The following OSBPL9 variants were observed in gnomAD, a reference collection of about 807,000 sequenced individuals.
The protein encoded by OSBPL9 is oxysterol-binding protein-related protein 9.
A neutral mutation model predicts 106.6 loss-of-function variants in OSBPL9; 40 were observed. The observed-to-expected ratio is 0.38, with a 90% confidence interval of 0.29 to 0.49. OSBPL9 has a LOEUF of 0.49. OSBPL9 is among the 20% of genes least tolerant of loss of function. The probability of loss-of-function intolerance (pLI) is 0.97; values close to 1 mark genes in which losing one functional copy is unlikely to be tolerated. For synonymous variants in OSBPL9, 269 were observed against 295.4 expected, an observed-to-expected ratio of 0.91 and a Z score of 0.92; for missense variants, 609 against 887.2, an observed-to-expected ratio of 0.69 and a Z score of 3.98.
At chr1:51,695,884 G>A (rs1225868809) in intron 3 of OSBPL9, among the ~76,000 whole-genome samples, 1 of 152,078 alleles carries the variant, frequency 6.6e-6, no homozygotes. Context: ...GTTAGAGATG[G>A]GGCTCAGGCA....
chr1:51,529,591 T>C, the OSBPL9 span, among the ~76,000 whole-genome samples: 1 of 151,928 alleles, frequency 6.6e-6, no homozygotes, highest in African/African-American at 2.4e-5. Context: ...AAGAGAGACA[T>C]ATAAACCAAT....
At chr1:51,569,021 T>A in the OSBPL9 span, among the ~76,000 whole-genome samples, 1 of 152,114 alleles carries the variant, frequency 6.6e-6, no homozygotes, top group African/African-American at 2.4e-5. Flanking sequence ...CACCCAGCCT[T>A]AACTTAATTT....
intron 2 of OSBPL9, among the ~76,000 whole-genome samples, chr1:51,653,424 T>A (rs1646640377): frequency 6.6e-6 from 1 of 152,226 alleles, no homozygotes; most frequent in African/African-American, 2.4e-5. Flanking sequence ...GTTAATCCAC[T>A]GGTTTTGTCT....
rs201159514 is a variant in OSBPL9 at position 51,789,198 on chromosome 1, A to T, written c.*1409A>T. ...TAAAATACAAACAAACACATTTTAA[A>T]ATACACATTGCTTCAGGCCAACGTG... On this transcript the variant is annotated 3_prime_UTR_variant, in exon 24 of 24. Coordinates refer to ENST00000428468, the MANE Select transcript of OSBPL9 (RefSeq NM_024586.6). 7.0e-6 allele frequency: 11 copies of T among 1,568,194 alleles called. 1 individual carries two copies. The African/African-American group carries it at 1.4e-4, about 19-fold the overall frequency.
At chr1:51,664,553 G>T (rs1347399065) in intron 2 of OSBPL9, among the ~76,000 whole-genome samples, 1 of 152,106 alleles carries the variant, frequency 6.6e-6, no homozygotes. Flanking sequence ...AGCCGGGCGT[G>T]TGGTGATGCA....
chr1:51,669,430 A>G lies in OSBPL9; in HGVS notation c.163-4A>G, dbSNP rs376664717. The stretch of plus-strand genomic sequence containing the variant: ...TTATTGGGATTTTGCTCTTTGTTTC[A>G]CAGGGAGCTGTGATTGGTATAGACG... On this transcript the variant is annotated splice_region_variant and splice_polypyrimidine_tract_variant and intron_variant, in intron 2 of 23. Coordinates refer to ENST00000428468, the MANE Select transcript of OSBPL9 (RefSeq NM_024586.6). The G allele has an allele frequency of 1.2e-6, 2 of 1,613,434 alleles. No homozygotes were observed. The highest frequency in any genetic ancestry group is 1.7e-5 in the Admixed American group (1 of 59,926).
chr1:51,687,050 G>T (rs905964509), intron 3 of OSBPL9, among the ~76,000 whole-genome samples: 4 of 152,154 alleles, frequency 2.6e-5, no homozygotes. Context: ...CAAATAGCAG[G>T]GCTCGAAACA....
chr1:51,748,293 A>G (rs1557793736), intron 6 of OSBPL9, 76 bp from the exon 7 acceptor site: 16 of 1,469,026 alleles, frequency 1.1e-5, no homozygotes, highest in African/African-American at 1.5e-5. Flanking sequence ...AATTCTTTAA[A>G]TGACTAGCCA....
chr1:51,712,206 C>G (rs1660174469), intron 3 of OSBPL9, among the ~76,000 whole-genome samples: 1 of 152,260 alleles, frequency 6.6e-6, no homozygotes, highest in African/African-American at 2.4e-5. Flanking sequence ...CGGTTAGGGG[C>G]TGGAGACCGG....
At chr1:51,746,843 T>TA in intron 6 of OSBPL9, 86 bp downstream of exon 6, 1 of 1,063,070 alleles carries the variant, frequency 9.4e-7, no homozygotes, top group South Asian at 1.5e-5. Flanking sequence ...TGTTTTTACT[T>TA]ACTATAATAA....
intron 14 of OSBPL9, among the ~76,000 whole-genome samples, chr1:51,774,972 A>C (rs142754236): frequency 7.0e-4 from 107 of 152,058 alleles, no homozygotes; most frequent in African/African-American, 2.5e-3. Context: ...AGTGATCTTC[A>C]TCTTGAGTTG....
At chr1:51,696,006 C>A (rs1027016025) in intron 3 of OSBPL9, among the ~76,000 whole-genome samples, 4 of 152,078 alleles carry the variant, frequency 2.6e-5, no homozygotes, top group African/African-American at 7.2e-5. Flanking sequence ...AAAGTAAAAC[C>A]GGGAAGGTAG....
intron 1 of OSBPL9, among the ~76,000 whole-genome samples, chr1:51,645,880 A>G (rs1570758592): frequency 1.3e-5 from 2 of 151,902 alleles, no homozygotes; most frequent in South Asian, 2.1e-4. Context: ...ACTATTCCCT[A>G]TTGGATAGTC....
intron 1 of OSBPL9, among the ~76,000 whole-genome samples, chr1:51,580,877 ATTTCCTTCTAGCCAT>A (rs1244145875): frequency 9.5e-6 from 1 of 105,276 alleles, no homozygotes; most frequent in Admixed American, 1.2e-4. Context: ...GATATACTGT[ATTTCCTTCTAGCCAT>A]TATATATATA....
intron 1 of OSBPL9, among the ~76,000 whole-genome samples, chr1:51,580,933 TATATATATATATATATATATAAC>T (rs1645217598): frequency 5.9e-3 from 12 of 2,018 alleles, no homozygotes; most frequent in South Asian, 0.012. Context: ...TATATATATA[TATATATATATATATATATATAAC>T]TTTTTTGAAA....
chr1:51,608,678 G>T (rs544903792), intron 2 of OSBPL9, among the ~76,000 whole-genome samples: 4 of 85,322 alleles, frequency 4.7e-5, no homozygotes, highest in East Asian at 2.2e-4. Flanking sequence ...TTCCTGGATT[G>T]GGGGGGGGGG....
At chr1:51,648,255 A>G (rs576598789) in intron 1 of OSBPL9, among the ~76,000 whole-genome samples, 2 of 152,318 alleles carry the variant, frequency 1.3e-5, no homozygotes, top group African/African-American at 4.8e-5. Context: ...TATTTGGTGA[A>G]TGGCATTGGC....
chr1:51,664,797 T>G (rs1648036054), intron 2 of OSBPL9, among the ~76,000 whole-genome samples: 1 of 152,212 alleles, frequency 6.6e-6, no homozygotes, highest in African/African-American at 2.4e-5. Flanking sequence ...GGTTAATGAT[T>G]AGGAAGTGTT....
At chr1:51,619,506 AAT>A (rs199594140) in intron 1 of OSBPL9, among the ~76,000 whole-genome samples, 1 of 151,992 alleles carries the variant, frequency 6.6e-6, no homozygotes, top group South Asian at 2.1e-4. Context: ...GATTCCCTAA[AAT>A]ATTATCCTTG....
Sources: gnomAD v4.1 joint callset for allele counts (sites outside exome capture counted in the v4.1 genomes callset) on GRCh38, gnomAD v4.1.1 for gene constraint, MANE v1.5 for transcripts, NCBI Gene and HGNC (gene_info 2026-07-23, HGNC 2026-07-21) for gene names.